DCDC2: variants seen among roughly 807,000 people sequenced by gnomAD.
DCDC2 encodes doublecortin domain containing 2.
Under a neutral mutation model 50.2 loss-of-function variants are expected in DCDC2, and 40 were observed. That is an observed-to-expected ratio of 0.80 (90% CI 0.62 to 1.04). The LOEUF (loss-of-function observed/expected upper bound fraction) is 1.04, where lower values mean the gene tolerates loss of function less well. DCDC2 is among the 50% of genes least tolerant of loss of function. DCDC2 has a pLI of 0.00. For missense variants in DCDC2, 570 were observed against 581.9 expected (o/e 0.98, Z 0.21); for synonymous variants, 234 against 210.6 (o/e 1.11, Z -0.96).
At chr6:24,311,655 A>C (rs954817062) in intron 2 of DCDC2, among the ~76,000 whole-genome samples, 23 of 152,212 alleles carry the variant, frequency 1.5e-4, no homozygotes, top group African/African-American at 5.1e-4. Context: ...TTATGAGGCT[A>C]CCATTACTCT....
chr6:24,269,908 T>G (rs1158205016), intron 7 of DCDC2, among the ~76,000 whole-genome samples: 2 of 151,726 alleles, frequency 1.3e-5, no homozygotes, highest in African/African-American at 4.8e-5. Context: ...AAAAACGGCT[T>G]GTTAGTAATG....
At position 24,357,925 on chromosome 6, in the gene DCDC2, A is replaced by G. The variant is rs566401669; in HGVS notation, c.-175T>C. On this transcript the variant is annotated 5_prime_UTR_variant, in exon 1 of 10. Coordinates refer to ENST00000378454, the MANE Select transcript of DCDC2 (RefSeq NM_016356.5). ...GTGCGCCTAGGCGTCCACCCAGAGG[A>G]GACACTAGGAGCTTGCAGGACTCGG... is the stretch of plus-strand genomic sequence containing the variant. The G allele has an allele frequency of 5.1e-5, 78 of 1,515,396 alleles. No homozygotes were observed. The African/African-American group carries it at 8.5e-4, about 17-fold the overall frequency. 93.9% of individuals were successfully genotyped at this position (1,515,396 alleles called of 1,614,324 possible). A position where few individuals can be genotyped will look rare whatever the true frequency, so the allele number is the denominator to read the frequency against.
the DCDC2 span, among the ~76,000 whole-genome samples, chr6:24,381,542 C>T: frequency 2.6e-5 from 4 of 152,320 alleles, no homozygotes; most frequent in South Asian, 2.1e-4. Context: ...CAGAAGTAGA[C>T]GCACTATTAA....
At chr6:24,307,572 A>G (rs776188033) in intron 2 of DCDC2, among the ~76,000 whole-genome samples, 4 of 152,232 alleles carry the variant, frequency 2.6e-5, no homozygotes, top group Non-Finnish European at 4.4e-5. Flanking sequence ...CTTAGCAAAC[A>G]GCACACAGCA....
chr6:24,311,094 T>A (rs1380979300), intron 2 of DCDC2, among the ~76,000 whole-genome samples: 5 of 152,172 alleles, frequency 3.3e-5, no homozygotes, highest in African/African-American at 9.7e-5. Flanking sequence ...CAAACACCTA[T>A]AAAAGCTGCC....
chr6:24,341,957 C>T (rs1760162787), intron 2 of DCDC2, among the ~76,000 whole-genome samples: 3 of 152,104 alleles, frequency 2.0e-5, no homozygotes, highest in Admixed American at 2.0e-4. Context: ...TACACACACA[C>T]ACACACACAA....
chr6:24,208,702 G>A (rs192006161), intron 7 of DCDC2, among the ~76,000 whole-genome samples: 18 of 152,204 alleles, frequency 1.2e-4, no homozygotes, highest in Admixed American at 3.9e-4. Context: ...CACATACTGC[G>A]TTTATTCATG....
chr6:24,208,363 CTTTTTT>C (rs34475687), intron 7 of DCDC2, among the ~76,000 whole-genome samples: 1 of 84,404 alleles, frequency 1.2e-5, no homozygotes, highest in Admixed American at 1.5e-4. Flanking sequence ...CTCTGTGCTA[CTTTTTT>C]TTTTTTTTTT....
intron 9 of DCDC2, among the ~76,000 whole-genome samples, chr6:24,175,771 G>A (rs765642368): frequency 4.6e-5 from 7 of 152,032 alleles, no homozygotes; most frequent in South Asian, 2.1e-4. Context: ...AATGTTACAC[G>A]GTGAACAGAA....
intron 7 of DCDC2, among the ~76,000 whole-genome samples, chr6:24,261,591 T>C (rs1242124433): frequency 1.3e-5 from 2 of 152,154 alleles, no homozygotes; most frequent in African/African-American, 4.8e-5. Context: ...TTTCATGGGC[T>C]CTGAGAGGGT....
At chr6:24,360,678 C>A (rs1216804059), upstream of DCDC2, among the ~76,000 whole-genome samples, 2 of 152,170 alleles carry the variant, frequency 1.3e-5, no homozygotes, top group African/African-American at 4.8e-5. Context: ...GCCAGTGTTT[C>A]CTTCATTCCT....
At chr6:24,347,468 G>GA (rs371949980) in intron 2 of DCDC2, among the ~76,000 whole-genome samples, 5 of 151,804 alleles carry the variant, frequency 3.3e-5, no homozygotes, top group Non-Finnish European at 4.4e-5. Flanking sequence ...GAAAGAAAAA[G>GA]AAAAAAACTC....
chr6:24,365,135 A>T, the DCDC2 span, among the ~76,000 whole-genome samples: 1 of 152,176 alleles, frequency 6.6e-6, no homozygotes, highest in Non-Finnish European at 1.5e-5. Context: ...GGCCTACCCC[A>T]GTTGGCTATA....
intron 2 of DCDC2, among the ~76,000 whole-genome samples, chr6:24,348,862 A>G (rs1164732300): frequency 6.6e-6 from 1 of 152,080 alleles, no homozygotes; most frequent in Non-Finnish European, 1.5e-5. Context: ...ACTCCCAAAG[A>G]GCAAGAGCAG....
the DCDC2 span, among the ~76,000 whole-genome samples, chr6:24,366,089 A>G: frequency 6.6e-6 from 1 of 152,190 alleles, no homozygotes; most frequent in African/African-American, 2.4e-5. Context: ...AAGTGCTTGG[A>G]TTATAGGTGT....
chr6:24,313,340 T>C (rs1255653777), intron 2 of DCDC2, among the ~76,000 whole-genome samples: 1 of 152,140 alleles, frequency 6.6e-6, no homozygotes, highest in Non-Finnish European at 1.5e-5. Flanking sequence ...AAGAGAATTC[T>C]CAGAAGTCTA....
chr6:24,250,565 CA>C lies in DCDC2; in HGVS notation c.922+27483del, dbSNP rs1228048024. Among the ~76,000 whole-genome samples, 10 of 152,102 alleles carry C rather than the reference CA, an allele frequency of 6.6e-5. No homozygotes were observed. In the East Asian group the frequency reaches 1.9e-3, roughly 29 times the overall value. The stretch of plus-strand genomic sequence containing the variant: ...TGTTGTCCCTTCTAGTGCTATAAGG[CA>C]AAAGTTACTGATGGTAACATTATAA... On this transcript the variant is annotated intron_variant, in intron 7 of 9. Transcript: ENST00000378454.
chr6:24,265,222 G>A (rs1017644857), intron 7 of DCDC2, among the ~76,000 whole-genome samples: 4 of 152,124 alleles, frequency 2.6e-5, no homozygotes, highest in African/African-American at 7.2e-5. Flanking sequence ...GCAAGAGGAT[G>A]TAAGAATTGA....
At chr6:24,354,586 G>T (rs934074990) in intron 1 of DCDC2, among the ~76,000 whole-genome samples, 1 of 152,136 alleles carries the variant, frequency 6.6e-6, no homozygotes, top group African/African-American at 2.4e-5. Context: ...TTTTAAAACA[G>T]TGCAAACACT....
Sources: allele counts gnomAD v4.1 joint callset (sites outside exome capture counted in the v4.1 genomes callset), GRCh38; gene constraint gnomAD v4.1.1; transcripts MANE v1.5; gene names NCBI Gene and HGNC (gene_info 2026-07-23, HGNC 2026-07-21).